HCRTR2: variants seen among roughly 807,000 people sequenced by gnomAD.
HCRTR2 encodes the protein hypocretin receptor 2, also known as orexin receptor type 2.
Under a neutral mutation model 49.0 loss-of-function variants are expected in HCRTR2, and 22 were observed. That is an observed-to-expected ratio of 0.45 (90% confidence interval 0.32 to 0.64). The LOEUF (loss-of-function observed/expected upper bound fraction) is 0.64. Ranked by LOEUF, HCRTR2 falls within the 30% of genes least tolerant of loss-of-function variation. HCRTR2 has a pLI of 0.04. For synonymous variants in HCRTR2, 236 were observed against 205.3 expected, an observed-to-expected ratio of 1.15 and a Z score of -1.28; for missense variants, 491 against 559.4, an observed-to-expected ratio of 0.88 and a Z score of 1.23.
intron 1 of HCRTR2, among the ~76,000 whole-genome samples, chr6:55,163,648 C>T (rs527341148): frequency 5.3e-5 from 8 of 152,162 alleles, no homozygotes; most frequent in African/African-American, 7.2e-5. Context: ...AAGACTTAAA[C>T]GTAAGACCTA....
intron 1 of HCRTR2, among the ~76,000 whole-genome samples, chr6:55,116,982 C>A (rs1251228186): frequency 6.6e-6 from 1 of 151,718 alleles, no homozygotes; most frequent in East Asian, 1.9e-4. Context: ...CCGGGGCACT[C>A]CATCTACAGT....
chr6:55,175,757 A>G (rs1306850115), intron 1 of HCRTR2, among the ~76,000 whole-genome samples: 2 of 151,964 alleles, frequency 1.3e-5, no homozygotes, highest in Admixed American at 6.6e-5. Context: ...GATGGAATGT[A>G]TTAGGGCAGT....
At chr6:55,253,586 A>G (rs1428396759) in intron 2 of HCRTR2, among the ~76,000 whole-genome samples, 1 of 152,180 alleles carries the variant, frequency 6.6e-6, no homozygotes, top group Non-Finnish European at 1.5e-5. Flanking sequence ...GTATACGTTC[A>G]CTGCAGCACT....
intron 1 of HCRTR2, among the ~76,000 whole-genome samples, chr6:55,153,509 C>T (rs1403666518): frequency 1.3e-5 from 2 of 152,038 alleles, no homozygotes. Context: ...ATCATACTCT[C>T]ATGGAACCAT....
At chr6:55,125,462 G>T (rs1005858905) in intron 1 of HCRTR2, among the ~76,000 whole-genome samples, 4 of 152,212 alleles carry the variant, frequency 2.6e-5, no homozygotes, top group African/African-American at 9.7e-5. Flanking sequence ...CTGGCTTGTA[G>T]GGTTTCTGCA....
At chr6:55,134,979 A>G (rs572290119) in intron 1 of HCRTR2, among the ~76,000 whole-genome samples, 14 of 152,036 alleles carry the variant, frequency 9.2e-5, no homozygotes, top group African/African-American at 1.7e-4. Flanking sequence ...TCTGAAATCT[A>G]TATCCTTGGA....
At chr6:55,255,989 A>G (rs145935836) in intron 3 of HCRTR2, among the ~76,000 whole-genome samples, 60 of 152,310 alleles carry the variant, frequency 3.9e-4, no homozygotes, top group Admixed American at 2.0e-3. Context: ...TTCCCATCTG[A>G]CAAGTATGAT....
chr6:55,187,061 T>G (rs940458438), intron 1 of HCRTR2, among the ~76,000 whole-genome samples: 20 of 151,874 alleles, frequency 1.3e-4, no homozygotes, highest in African/African-American at 4.8e-4. Context: ...TCCTAAAATA[T>G]TCATCATTAT....
chr6:55,109,839 C>T (rs1397914353), intron 1 of HCRTR2, among the ~76,000 whole-genome samples: 2 of 152,066 alleles, frequency 1.3e-5, no homozygotes, highest in East Asian at 1.9e-4. Context: ...GTGCTAGAGA[C>T]CTAAACATTC....
intron 1 of HCRTR2, among the ~76,000 whole-genome samples, chr6:55,163,414 G>T (rs1764834464): frequency 6.6e-6 from 1 of 152,092 alleles, no homozygotes; most frequent in Non-Finnish European, 1.5e-5. Context: ...CATGGTATTG[G>T]TATGAAAACA....
chr6:55,133,327 CT>C (rs1275902772), intron 1 of HCRTR2, among the ~76,000 whole-genome samples: 1 of 151,534 alleles, frequency 6.6e-6, no homozygotes, highest in Non-Finnish European at 1.5e-5. Context: ...TTCCCCCTTG[CT>C]TTGTTTCCAT....
chr6:55,173,071 A>G (rs373984773), upstream of HCRTR2, among the ~76,000 whole-genome samples: 1 of 152,302 alleles, frequency 6.6e-6, no homozygotes, highest in Non-Finnish European at 1.5e-5. Context: ...CATTGAAAAG[A>G]AAAATACTAA....
chr6:55,181,340 C>T (rs113279543), intron 1 of HCRTR2, among the ~76,000 whole-genome samples: 415 of 152,176 alleles, frequency 2.7e-3, no homozygotes, highest in Admixed American at 5.6e-3. Flanking sequence ...GAGAAGTGAT[C>T]TCTTAACCAA....
At chr6:55,241,435 C>T (rs1374596642) in intron 1 of HCRTR2, among the ~76,000 whole-genome samples, 1 of 152,024 alleles carries the variant, frequency 6.6e-6, no homozygotes, top group African/African-American at 2.4e-5. Flanking sequence ...TGTGGAACTA[C>T]AGTATATTTT....
At chr6:55,131,859 A>C (rs1007690114) in intron 1 of HCRTR2, among the ~76,000 whole-genome samples, 3 of 151,836 alleles carry the variant, frequency 2.0e-5, no homozygotes, top group Non-Finnish European at 4.4e-5. Flanking sequence ...GAGGAAAATA[A>C]GAAACTCCTG....
At chr6:55,190,534 T>C (rs1357744826) in intron 1 of HCRTR2, among the ~76,000 whole-genome samples, 1 of 152,206 alleles carries the variant, frequency 6.6e-6, no homozygotes, top group Non-Finnish European at 1.5e-5. Flanking sequence ...GAGACAGGTA[T>C]GGTGAAATAC....
chr6:55,120,290 A>G (rs1446274925), intron 1 of HCRTR2, among the ~76,000 whole-genome samples: 1 of 151,602 alleles, frequency 6.6e-6, no homozygotes, highest in Admixed American at 6.6e-5. Flanking sequence ...CAATTCTGTG[A>G]AGAAAGTTAG....
chr6:55,249,518 T>C (rs1229329309), intron 2 of HCRTR2, among the ~76,000 whole-genome samples: 1 of 152,102 alleles, frequency 6.6e-6, no homozygotes, highest in African/African-American at 2.4e-5. Context: ...ACTTACATAA[T>C]TCATATAAAT....
intron 1 of HCRTR2, among the ~76,000 whole-genome samples, chr6:55,152,433 A>G (rs1764676085): frequency 6.6e-6 from 1 of 151,278 alleles, no homozygotes; most frequent in African/African-American, 2.4e-5. Flanking sequence ...TTTTTTGTTT[A>G]TTTGTCTTTT....
Sources: gnomAD v4.1 joint callset for allele counts (sites outside exome capture counted in the v4.1 genomes callset) on GRCh38, gnomAD v4.1.1 for gene constraint, MANE v1.5 for transcripts, NCBI Gene and HGNC (gene_info 2026-07-23, HGNC 2026-07-21) for gene names.